Variants in PLCB4 observed in about 807,000 individuals in gnomAD.
PLCB4 encodes 1-phosphatidylinositol 4,5-bisphosphate phosphodiesterase beta-4.
Under a neutral mutation model 178.8 loss-of-function variants are expected in PLCB4, and 77 were observed. The observed-to-expected ratio is 0.43, with a 90% CI of 0.36 to 0.52. The LOEUF (loss-of-function observed/expected upper bound fraction) is 0.52. Among genes scored for constraint, PLCB4 ranks in the 20% least tolerant of loss-of-function variants. PLCB4 has a pLI of 0.00. For missense variants in PLCB4, 1,024 were observed against 1,453.4 expected (o/e 0.70, Z 4.80); for synonymous variants, 496 against 490.8 (o/e 1.01, Z -0.14).
At chr20:9,257,231 C>T (rs917758323) in intron 3 of PLCB4, among the ~76,000 whole-genome samples, 14 of 152,106 alleles carry the variant, frequency 9.2e-5, no homozygotes, top group African/African-American at 3.4e-4. Context: ...TGTAGACTAC[C>T]ATAATAAGAA....
chr20:9,201,682 A>T (rs2093548456), intron 2 of PLCB4, among the ~76,000 whole-genome samples: 1 of 152,182 alleles, frequency 6.6e-6, no homozygotes. Context: ...TCACAATGAG[A>T]TATTATCACA....
At chr20:9,427,992 A>C (rs2041145375) in intron 28 of PLCB4, among the ~76,000 whole-genome samples, 2 of 152,088 alleles carry the variant, frequency 1.3e-5, no homozygotes, top group Non-Finnish European at 2.9e-5. Context: ...GTGACCCTCT[A>C]TTTCTTTGTA....
chr20:9,334,454 G>A (rs980414037), intron 4 of PLCB4, among the ~76,000 whole-genome samples: 9 of 152,136 alleles, frequency 5.9e-5, no homozygotes, highest in Non-Finnish European at 1.3e-4. Context: ...AGTAACCATT[G>A]AGAAGGAAAT....
intron 13 of PLCB4, among the ~76,000 whole-genome samples, chr20:9,381,300 A>G (rs187921957): frequency 6.6e-6 from 1 of 152,262 alleles, no homozygotes; most frequent in Admixed American, 6.5e-5. Context: ...TTGAGCTAGG[A>G]ACTGGCCTCC....
rs544568475 is a variant in PLCB4 at position 9,208,993 on chromosome 20, A to G, written c.-78-8397A>G. On this transcript the variant is annotated intron_variant, in intron 2 of 39. Coordinates refer to ENST00000378473, the MANE Select transcript of PLCB4 (RefSeq NM_001377142.1). ...TAATTAAAACATTTTGGCCCATGTT[A>G]TTAATTGGATACCCTGTCCTAACAA... is the stretch of plus-strand genomic sequence containing the variant. Among the ~76,000 whole-genome samples the G allele has an allele frequency of 5.3e-5, 8 of 152,336 alleles. No individual in the cohort carries two copies. The South Asian group carries it at 1.0e-3, about 20-fold the overall frequency.
intron 30 of PLCB4, 30 bp from the exon 31 acceptor site, chr20:9,443,951 A>C (rs1469396225): frequency 7.6e-7 from 1 of 1,310,274 alleles, no homozygotes; most frequent in East Asian, 2.3e-5. Context: ...TTTAGTATAC[A>C]TAGTGACTTA....
chr20:9,182,021 G>A (rs147759750), intron 2 of PLCB4, among the ~76,000 whole-genome samples: 18 of 152,296 alleles, frequency 1.2e-4, no homozygotes, highest in African/African-American at 4.3e-4. Flanking sequence ...CATGAGAGTG[G>A]GAGTTGAGAG....
chr20:9,213,533 C>T (rs570042004), intron 2 of PLCB4, among the ~76,000 whole-genome samples: 11 of 152,212 alleles, frequency 7.2e-5, no homozygotes, highest in East Asian at 3.9e-4. Flanking sequence ...ATTATGTGAA[C>T]GTACTACACG....
chr20:9,467,549 A>T (rs1389510449), intron 35 of PLCB4, among the ~76,000 whole-genome samples: 1 of 152,238 alleles, frequency 6.6e-6, no homozygotes, highest in African/African-American at 2.4e-5. Context: ...CACAACTATT[A>T]TTCTTGGTTA....
At chr20:9,242,957 G>A (rs981563649) in intron 3 of PLCB4, among the ~76,000 whole-genome samples, 3 of 152,056 alleles carry the variant, frequency 2.0e-5, no homozygotes, top group Non-Finnish European at 2.9e-5. Context: ...TCAAAGAAGT[G>A]GAATGGATAG....
rs1568917066 is a variant in PLCB4, at chr20:9,473,272, T to G, written c.3409-7T>G. On this transcript the variant is annotated splice_polypyrimidine_tract_variant and splice_region_variant and intron_variant, in intron 37 of 39. Transcript: ENST00000378473. ...AATCAGAATTTTTTTTTTTTTTTTT[T>G]TTGCAGCTTGCCATGAAGCAGTCCA... 6.6e-7 allele frequency: 1 copy of G among 1,514,792 alleles called. No homozygotes were observed. Among genetic ancestry groups the G allele is most frequent in the Admixed American group, 2.3e-5 (1 of 44,042 alleles). The allele number at this position is 1,514,792 out of a possible 1,614,324, so 93.8% of individuals were successfully genotyped here.
Position 9,338,982 on chromosome 20 carries a change from A to G in PLCB4, c.314A>G (p.Asp105Gly). Residue 105 changes from aspartate to glycine, a missense_variant, in exon 7 of 40, where the codon GAT (aspartate) becomes GGT (glycine). Physicochemically the swap from Asp to Gly is moderately conservative, Grantham distance 94. This residue lies in a region of PLCB4 where 225 missense variants were observed against 291.0 expected (regional missense o/e 0.77). Transcript: ENST00000378473. Reference sequence around the variant, plus strand: ...ATAGTTTGTGTCTGCAGTGGCACAGATCTAGTGAACATTAGTTTTACCTAC... The same window carrying G: ...ATAGTTTGTGTCTGCAGTGGCACAGGTCTAGTGAACATTAGTTTTACCTAC... ...GRIVCVCSGT[D>G]LVNISFTYMV... The G allele has an allele frequency of 1.2e-6, 2 of 1,613,482 alleles. No homozygotes were observed. Among genetic ancestry groups the G allele is most frequent in the Non-Finnish European group, 1.7e-6 (2 of 1,179,556 alleles).
Position 9,331,843 on chromosome 20 carries a change from T to C in PLCB4, c.85-5283T>C, listed in dbSNP as rs79665480. ...CTGTAGTGGCACAAACCCCTCAGAG[T>C]GGGGATCTCTGAGCCAGAAATAGCT... On this transcript the variant is annotated intron_variant, in intron 4 of 39. Transcript: ENST00000378473. Among the ~76,000 whole-genome samples the C allele has an allele frequency of 2.8e-3, 421 of 152,074 alleles. 2 individuals are homozygous for C. The highest frequency in any genetic ancestry group is 9.7e-3 in the African/African-American group (403 of 41,500).
chr20:9,445,684 C>A (rs1046691486), intron 32 of PLCB4, among the ~76,000 whole-genome samples: 3 of 152,162 alleles, frequency 2.0e-5, no homozygotes, highest in African/African-American at 7.2e-5. Flanking sequence ...ATGAATAATT[C>A]CATTCAGTGA....
At chr20:9,111,458 T>G (rs1327354256) in intron 2 of PLCB4, among the ~76,000 whole-genome samples, 1 of 152,218 alleles carries the variant, frequency 6.6e-6, no homozygotes, top group East Asian at 1.9e-4. Context: ...AAGTTCCATT[T>G]ATGAAGCTGG....
intron 3 of PLCB4, among the ~76,000 whole-genome samples, chr20:9,267,859 G>C (rs1471135646): frequency 6.6e-6 from 1 of 152,090 alleles, no homozygotes; most frequent in East Asian, 1.9e-4. Context: ...CATGGGAGTG[G>C]GTCTGTGGCT....
intron 3 of PLCB4, among the ~76,000 whole-genome samples, chr20:9,258,776 A>C (rs915236421): frequency 6.6e-6 from 1 of 151,784 alleles, no homozygotes; most frequent in Admixed American, 6.6e-5. Flanking sequence ...GAATGACTTC[A>C]TGGTTTGGAG....
At chr20:9,263,778 TGTG>T (rs1236738482) in intron 3 of PLCB4, among the ~76,000 whole-genome samples, 1 of 152,176 alleles carries the variant, frequency 6.6e-6, no homozygotes, top group Admixed American at 6.5e-5. Context: ...GAGAGCTGCC[TGTG>T]TTCAAGAGAA....
intron 4 of PLCB4, among the ~76,000 whole-genome samples, chr20:9,314,260 G>T (rs1202490978): frequency 6.6e-6 from 1 of 152,186 alleles, no homozygotes; most frequent in Non-Finnish European, 1.5e-5. Flanking sequence ...TGGGGTTTCA[G>T]CAGGGCAGTG....
Sources: allele counts gnomAD v4.1 joint callset (sites outside exome capture counted in the v4.1 genomes callset), GRCh38; gene constraint gnomAD v4.1.1; regional missense constraint gnomAD v4.1.1; transcripts MANE v1.5; gene names NCBI Gene and HGNC (gene_info 2026-07-23, HGNC 2026-07-21).